The following SLC25A14 variants were observed in gnomAD, a reference collection of about 807,000 sequenced individuals.
The protein encoded by SLC25A14 is solute carrier family 25 member 14, also known as brain mitochondrial carrier protein 1.
A neutral mutation model predicts 28.1 loss-of-function variants in SLC25A14; 8 were observed. The observed-to-expected ratio is 0.28, with a 90% CI of 0.17 to 0.51. The LOEUF (loss-of-function observed/expected upper bound fraction) is 0.51. Among genes scored for constraint, SLC25A14 ranks in the 20% least tolerant of loss-of-function variants. SLC25A14 has a pLI of 0.97. For synonymous variants in SLC25A14, 74 were observed against 90.6 expected, an observed-to-expected ratio of 0.82 and a Z score of 1.04; for missense variants, 135 against 263.8, an observed-to-expected ratio of 0.51 and a Z score of 3.38.
chrX:130,359,211 G>C (rs1273660403), intron 7 of SLC25A14: 3 of 305,659 alleles, frequency 9.8e-6, no homozygotes, highest in Non-Finnish European at 1.9e-5. Flanking sequence ...AAATTAGCCA[G>C]GCATGGTGGT....
chrX:130,346,124 A>G (rs1321691951), intron 3 of SLC25A14, among the ~76,000 whole-genome samples: 1 of 111,171 alleles, frequency 9.0e-6, no homozygotes, highest in African/African-American at 3.3e-5. Context: ...TGGAGCAGCA[A>G]TCCCATGCTT....
At chrX:130,369,989 G>T (rs909284145) in intron 9 of SLC25A14, among the ~76,000 whole-genome samples, 1 of 111,973 alleles carries the variant, frequency 8.9e-6, no homozygotes, top group Admixed American at 9.5e-5. Flanking sequence ...AAAGTCCATT[G>T]TGGTAGTCCA....
chrX:130,372,944 A>G lies in SLC25A14; in HGVS notation c.972A>G (p.Gln324=), dbSNP rs924190722. The change falls in exon 11 of 11, where the codon CAA becomes CAG. Residue 324 remains glutamine, a synonymous_variant. Coordinates refer to ENST00000545805, the MANE Select transcript of SLC25A14 (RefSeq NM_001282195.2). ...FITYEQLKRL[Q]I is the part of the protein sequence containing the mutation. Reference sequence around the variant, plus strand: ...CATACGAGCAGCTAAAGAGGCTTCAAATCTAAGAACTGAATTATATGTGAG... The same window carrying G: ...CATACGAGCAGCTAAAGAGGCTTCAGATCTAAGAACTGAATTATATGTGAG... The G allele has an allele frequency of 1.7e-6, 2 of 1,185,042 alleles. No homozygotes were observed. Among genetic ancestry groups the G allele is most frequent in the Non-Finnish European group, 2.3e-6 (2 of 873,963 alleles).
chrX:130,372,081 GT>G (rs1463434561), intron 10 of SLC25A14, among the ~76,000 whole-genome samples: 1 of 112,175 alleles, frequency 8.9e-6, no homozygotes, highest in East Asian at 2.8e-4. Flanking sequence ...GGGTGAATCT[GT>G]CTCCTCCAGT....
intron 4 of SLC25A14, among the ~76,000 whole-genome samples, chrX:130,347,751 C>T (rs899108054): frequency 5.4e-5 from 6 of 111,316 alleles, no homozygotes; most frequent in African/African-American, 2.0e-4. Context: ...ATTCAATTTA[C>T]CAATATTTTC....
chrX:130,363,293 A>G (rs746218772), intron 7 of SLC25A14, among the ~76,000 whole-genome samples: 2 of 112,446 alleles, frequency 1.8e-5, no homozygotes, highest in Non-Finnish European at 3.7e-5. Context: ...AAATGGAATC[A>G]CGCAATATGT....
At chrX:130,356,927 A>G (rs569904050) in intron 6 of SLC25A14, among the ~76,000 whole-genome samples, 1 of 111,524 alleles carries the variant, frequency 9.0e-6, no homozygotes, top group South Asian at 3.8e-4. Flanking sequence ...TCTAGTGTGT[A>G]CCCCACTCCC....
Position 130,372,969 on chromosome X carries a change from G to C in SLC25A14, c.*19G>C. 1 of 1,120,984 alleles carries C rather than the reference G, an allele frequency of 8.9e-7. No individual in the cohort carries two copies. Among genetic ancestry groups the C allele is most frequent in the Non-Finnish European group, 1.2e-6 (1 of 820,553 alleles). 92.4% of individuals were successfully genotyped at this position (1,120,984 alleles called of 1,213,427 possible). On this transcript the variant is annotated 3_prime_UTR_variant, in exon 11 of 11. Transcript: ENST00000545805. The stretch of plus-strand genomic sequence containing the variant: ...AATCTAAGAACTGAATTATATGTGA[G>C]CCCAGCCCTGCCAGCCTTTCTACTC...
chrX:130,371,396 T>G (rs1208348256), intron 9 of SLC25A14, among the ~76,000 whole-genome samples, 168 bp from the exon 10 acceptor site: 1 of 111,451 alleles, frequency 9.0e-6, no homozygotes, highest in Admixed American at 9.6e-5. Flanking sequence ...GGTAAATATT[T>G]ATTGATTAAG....
At position 130,367,037 on chromosome X, in the gene SLC25A14, AG is replaced by A. The variant is rs1390926936; in HGVS notation, c.855+1362del. On this transcript the variant is annotated intron_variant, in intron 9 of 10. Coordinates refer to ENST00000545805, the MANE Select transcript of SLC25A14 (RefSeq NM_001282195.2). ...GCTTGTTAAACTGCAGTTCACTTGG[AG>A]CCATCTCCAGATTCTGATTTAGTAA... 8.0e-5 allele frequency among the ~76,000 whole-genome samples: 9 copies of A among 112,520 alleles called. No individual in the cohort carries two copies. In the East Asian group the frequency reaches 1.9e-3, roughly 24 times the overall value.
intron 10 of SLC25A14, 140 bp from the exon 11 acceptor site, chrX:130,372,769 G>A (rs1249669123): frequency 9.6e-6 from 5 of 521,696 alleles, no homozygotes; most frequent in East Asian, 3.7e-5. Context: ...GCTGTCAGGT[G>A]GTGTTTTAGA....
chrX:130,366,804 A>C (rs1249341728), intron 9 of SLC25A14, among the ~76,000 whole-genome samples: 1 of 112,258 alleles, frequency 8.9e-6, no homozygotes, highest in African/African-American at 3.2e-5. Flanking sequence ...CATCTTGGGT[A>C]CACATTGGAA....
intron 6 of SLC25A14, among the ~76,000 whole-genome samples, chrX:130,356,627 C>T (rs1370679236): frequency 2.7e-5 from 3 of 111,391 alleles, no homozygotes; most frequent in South Asian, 3.8e-4. Context: ...ACCATTATTT[C>T]TGTTCACGTT....
chrX:130,364,858 AAATT>A, intron 8 of SLC25A14, 106 bp downstream of exon 8: 1 of 1,124,931 alleles, frequency 8.9e-7, no homozygotes. Context: ...CGTATGGCCT[AAATT>A]CCCTTGTCTC....
chrX:130,369,476 G>A (rs1225587176), intron 9 of SLC25A14, among the ~76,000 whole-genome samples: 2 of 111,960 alleles, frequency 1.8e-5, no homozygotes, highest in African/African-American at 3.2e-5. Context: ...AGTTGAGGGA[G>A]ACAATAAACA....
At chrX:130,355,553 C>T (rs192590261) in intron 6 of SLC25A14, among the ~76,000 whole-genome samples, 3 of 111,669 alleles carry the variant, frequency 2.7e-5, no homozygotes, top group East Asian at 2.8e-4. Context: ...CCATATACTT[C>T]GATGTGCATC....
chrX:130,355,066 C>G, intron 6 of SLC25A14, among the ~76,000 whole-genome samples: 1 of 112,503 alleles, frequency 8.9e-6, no homozygotes, highest in East Asian at 2.8e-4. Context: ...ACAAACTTAT[C>G]TTACAGTACA....
At chrX:130,369,079 C>A (rs753195934) in intron 9 of SLC25A14, among the ~76,000 whole-genome samples, 1 of 111,921 alleles carries the variant, frequency 8.9e-6, no homozygotes, top group Non-Finnish European at 1.9e-5. Context: ...TGCCTTATGC[C>A]AAAAGATGCC....
intron 2 of SLC25A14, 44 bp downstream of exon 2, chrX:130,340,397 A>G (rs2033210106): frequency 2.5e-6 from 3 of 1,198,342 alleles, no homozygotes; most frequent in Non-Finnish European, 3.4e-6. Context: ...GATACTGTTG[A>G]AAGATGCTCC....
Sources: gnomAD v4.1 joint callset for allele counts (sites outside exome capture counted in the v4.1 genomes callset) on GRCh38, gnomAD v4.1.1 for gene constraint, MANE v1.5 for transcripts, NCBI Gene and HGNC (gene_info 2026-07-23, HGNC 2026-07-21) for gene names.